The following SPOPL variants were observed in gnomAD, a reference collection of about 807,000 sequenced individuals.
SPOPL encodes the protein speckle type BTB/POZ protein like.
A neutral mutation model predicts 53.8 loss-of-function variants in SPOPL; 23 were observed. The observed-to-expected ratio is 0.43, with a 90% CI of 0.31 to 0.61. The LOEUF (loss-of-function observed/expected upper bound fraction) is 0.61, where lower values mean the gene tolerates loss of function less well. SPOPL is among the 20% of genes least tolerant of loss of function. The pLI, the probability that SPOPL is intolerant of heterozygous loss-of-function variation, is 0.12. For synonymous variants in SPOPL, 164 were observed against 149.7 expected (o/e 1.10, Z -0.70); for missense variants, 442 against 466.9 (o/e 0.95, Z 0.49).
At chr2:138,554,125 C>A in intron 5 of SPOPL, among the ~76,000 whole-genome samples, 1 of 136,162 alleles carries the variant, frequency 7.3e-6, no homozygotes, top group Admixed American at 7.9e-5. Flanking sequence ...TTCCTAAGTA[C>A]ACTGTGCTGG....
At position 138,564,712 on chromosome 2, in the gene SPOPL, C is replaced by T. The variant is rs771829486; in HGVS notation, c.842C>T (p.Ala281Val). 1.4e-5 allele frequency: 23 copies of T among 1,613,862 alleles called. No individual in the cohort carries two copies. The Middle Eastern group carries it at 6.6e-4, about 46-fold the overall frequency. Residue 281 changes from alanine (A) to valine (V), a missense_variant, in exon 9 of 11, where the codon GCA (alanine) becomes GTA (valine). By Grantham distance (64) the Ala-to-Val change is moderately conservative. Coordinates refer to ENST00000280098, the MANE Select transcript of SPOPL (RefSeq NM_001001664.3). ...TTATGTTTTCATTTTGGATAGTATG[C>T]ACTGGAACGGCTGAAGGTCATGTGC... ...DNLLAAADKY[A>V]LERLKVMCEE...
rs1466561341 is a variant in SPOPL, at chr2:138,572,699, C to T, written c.*3619C>T. ...AGACAGCTATAAAGACAGCACTTTC[C>T]GCACACAAAGTGTATTTTACAAACC... On this transcript the variant is annotated 3_prime_UTR_variant, in exon 11 of 11. Coordinates refer to ENST00000280098, the MANE Select transcript of SPOPL (RefSeq NM_001001664.3). The T allele has an allele frequency of 1.3e-5, 2 of 152,502 alleles. No homozygotes were observed. Among genetic ancestry groups the T allele is most frequent in the East Asian group, 1.9e-4 (1 of 5,190 alleles). The allele number at this position is 152,502 out of a possible 1,614,324, so 9.4% of individuals were successfully genotyped here.
intron 10 of SPOPL, 62 bp from the exon 11 acceptor site, chr2:138,568,874 C>T: frequency 6.6e-7 from 1 of 1,526,634 alleles, no homozygotes; most frequent in Middle Eastern, 1.8e-4. Context: ...AAGAAATTAA[C>T]AGTGCAATAG....
At chr2:138,559,969 CA>C (rs111927956) in intron 7 of SPOPL, among the ~76,000 whole-genome samples, 74 of 152,096 alleles carry the variant, frequency 4.9e-4, no homozygotes, top group African/African-American at 1.7e-3. Context: ...TTTCTTTCTC[CA>C]AGTTTTGGTT....
rs966862572 is a variant in SPOPL, at chr2:138,571,865, T to G, written c.*2785T>G. 16 of 152,626 alleles carry G rather than the reference T, an allele frequency of 1.0e-4. No individual in the cohort carries two copies. The highest frequency in any genetic ancestry group is 7.2e-4 in the Admixed American group (11 of 15,274). The allele number at this position is 152,626 out of a possible 1,614,324, so 9.5% of individuals were successfully genotyped here. On this transcript the variant is annotated 3_prime_UTR_variant, in exon 11 of 11. Coordinates refer to ENST00000280098, the MANE Select transcript of SPOPL (RefSeq NM_001001664.3). The stretch of plus-strand genomic sequence containing the variant: ...ATATTTGTGCCTTTTCATTTTTAAT[T>G]TTAATGTGTGTTGATATTTGGAGCA...
intron 1 of SPOPL, among the ~76,000 whole-genome samples, chr2:138,516,514 A>G (rs1684440707): frequency 6.6e-6 from 1 of 152,228 alleles, no homozygotes; most frequent in Non-Finnish European, 1.5e-5. Flanking sequence ...GGGTGAGATC[A>G]TTCAGGAATG....
At chr2:138,522,296 T>C (rs916358059) in intron 1 of SPOPL, among the ~76,000 whole-genome samples, 5 of 152,180 alleles carry the variant, frequency 3.3e-5, no homozygotes, top group Non-Finnish European at 5.9e-5. Context: ...TAATTCAACC[T>C]GATACAATTG....
chr2:138,552,521 A>G, intron 4 of SPOPL, 33 bp from the exon 5 acceptor site: 1 of 1,580,600 alleles, frequency 6.3e-7, no homozygotes, highest in South Asian at 1.2e-5. Context: ...TTGGATATTT[A>G]TTTTATTTAA....
intron 1 of SPOPL, among the ~76,000 whole-genome samples, chr2:138,506,596 G>T (rs998991245): frequency 2.0e-5 from 3 of 152,056 alleles, no homozygotes; most frequent in African/African-American, 7.2e-5. Flanking sequence ...TGACTTCCAG[G>T]GCCAGTAGTT....
intron 8 of SPOPL, 62 bp from the exon 9 acceptor site, chr2:138,564,646 A>G (rs776405969): frequency 1.4e-4 from 228 of 1,576,134 alleles, no homozygotes; most frequent in Non-Finnish European, 1.8e-4. Context: ...TTGCAAATGT[A>G]TCATGTATTC....
chr2:138,510,376 G>A (rs765432984), intron 1 of SPOPL, among the ~76,000 whole-genome samples: 4 of 152,186 alleles, frequency 2.6e-5, no homozygotes, highest in Non-Finnish European at 5.9e-5. Context: ...ATCCTTGTCA[G>A]TATTTGGTAT....
At chr2:138,518,702 A>C (rs1275617586) in intron 1 of SPOPL, among the ~76,000 whole-genome samples, 1 of 152,224 alleles carries the variant, frequency 6.6e-6, no homozygotes, top group African/African-American at 2.4e-5. Context: ...CTGCACATCC[A>C]CATTGCTTGT....
chr2:138,569,146 T>C lies in SPOPL; in HGVS notation c.*66T>C. ...TCCTCCAGGTCCAGAAGGATTCTAA[T>C]ACACAAACCATAAGCAAGAGTTGTT... On this transcript the variant is annotated 3_prime_UTR_variant, in exon 11 of 11. Transcript: ENST00000280098. 1 of 1,529,106 alleles carries C rather than the reference T, an allele frequency of 6.5e-7. No homozygotes were observed. The highest frequency in any genetic ancestry group is 1.2e-5 in the South Asian group (1 of 84,158). The allele number at this position is 1,529,106 out of a possible 1,614,324, so 94.7% of individuals were successfully genotyped here.
intron 1 of SPOPL, among the ~76,000 whole-genome samples, chr2:138,548,525 C>CT (rs530326434): frequency 5.9e-5 from 9 of 152,030 alleles, no homozygotes; most frequent in Middle Eastern, 3.4e-3. Flanking sequence ...TGCCTCTCCT[C>CT]TTACACTCTC....
intron 4 of SPOPL, 107 bp downstream of exon 4, chr2:138,551,161 G>T: frequency 7.9e-7 from 1 of 1,270,348 alleles, no homozygotes; most frequent in South Asian, 1.5e-5. Context: ...GCTAAAATCT[G>T]CTTAACCTGA....
rs574742452 is a variant in SPOPL, at chr2:138,554,572, G to T, written c.480+1891G>T. 6 of 1,231,508 alleles carry T rather than the reference G, an allele frequency of 4.9e-6. No homozygotes were observed. The South Asian group carries it at 8.2e-5, about 17-fold the overall frequency. 76.3% of individuals were successfully genotyped at this position (1,231,508 alleles called of 1,614,324 possible). The stretch of plus-strand genomic sequence containing the variant: ...GGGTGCTACCCTTTTTGCACAAAGC[G>T]TAACTTAATCTTGCAAGTTCCCTAC... On this transcript the variant is annotated intron_variant, in intron 5 of 10. Transcript: ENST00000280098.
At chr2:138,502,874 C>G (rs1300763697) in intron 1 of SPOPL, among the ~76,000 whole-genome samples, 1 of 152,174 alleles carries the variant, frequency 6.6e-6, no homozygotes, top group African/African-American at 2.4e-5. Flanking sequence ...AGCAGTCACA[C>G]AACCCAGTAG....
At chr2:138,542,658 C>G (rs1338401733) in intron 1 of SPOPL, among the ~76,000 whole-genome samples, 2 of 152,162 alleles carry the variant, frequency 1.3e-5, no homozygotes, top group Non-Finnish European at 2.9e-5. Flanking sequence ...TTCCTGAATA[C>G]AGCACACTGA....
chr2:138,569,154 C>T lies in SPOPL; in HGVS notation c.*74C>T. The T allele has an allele frequency of 6.7e-7, 1 of 1,488,286 alleles. No individual in the cohort carries two copies. The highest frequency in any genetic ancestry group is 1.2e-5 in the South Asian group (1 of 80,076). 92.2% of individuals were successfully genotyped at this position (1,488,286 alleles called of 1,614,324 possible). A position where few individuals can be genotyped will look rare whatever the true frequency, so the allele number is the denominator to read the frequency against. On this transcript the variant is annotated 3_prime_UTR_variant, in exon 11 of 11. Transcript: ENST00000280098. ...GTCCAGAAGGATTCTAATACACAAA[C>T]CATAAGCAAGAGTTGTTTCTGTTAT...
Sources: allele counts gnomAD v4.1 joint callset (sites outside exome capture counted in the v4.1 genomes callset), GRCh38; gene constraint gnomAD v4.1.1; transcripts MANE v1.5; gene names NCBI Gene and HGNC (gene_info 2026-07-23, HGNC 2026-07-21).